STARD13: variants seen among roughly 807,000 people sequenced by gnomAD.
STARD13 encodes StAR related lipid transfer domain containing 13, also known as stAR-related lipid transfer protein 13.
Under a neutral mutation model 106.4 loss-of-function variants are expected in STARD13, and 62 were observed. The observed-to-expected ratio is 0.58, with a 90% CI of 0.48 to 0.72. The LOEUF (loss-of-function observed/expected upper bound fraction) is 0.72, where lower values mean the gene tolerates loss of function less well. STARD13 is among the 30% of genes least tolerant of loss of function. The pLI is 0.00. For missense variants in STARD13, 1,387 were observed against 1,424.0 expected (o/e 0.97, Z 0.42); for synonymous variants, 565 against 553.0 (o/e 1.02, Z -0.31).
At chr13:33,368,922 C>T in the STARD13 span, among the ~76,000 whole-genome samples, 1 of 152,072 alleles carries the variant, frequency 6.6e-6, no homozygotes, top group Admixed American at 6.5e-5. Flanking sequence ...CATTTATATC[C>T]CCTACTGGCA....
At chr13:33,439,702 T>A in the STARD13 span, 1 of 1,268,626 alleles carries the variant, frequency 7.9e-7, no homozygotes, top group East Asian at 5.6e-5. Context: ...CACTCTTTCT[T>A]TGGGTCTGTT....
At chr13:33,286,390 T>TTAA (rs1321109598), upstream of STARD13, among the ~76,000 whole-genome samples, 3 of 152,210 alleles carry the variant, frequency 2.0e-5, no homozygotes, top group Admixed American at 2.0e-4. Flanking sequence ...GCGTTACGTA[T>TTAA]TAAGCATCCT....
At chr13:33,259,958 T>C (rs1258570687) in intron 1 of STARD13, among the ~76,000 whole-genome samples, 2 of 137,268 alleles carry the variant, frequency 1.5e-5, no homozygotes, top group Non-Finnish European at 3.0e-5. Context: ...ATCGTGCCAC[T>C]GCACTCCAGC....
chr13:33,324,807 T>C (rs1243368549), intron 1 of STARD13, among the ~76,000 whole-genome samples: 1 of 152,204 alleles, frequency 6.6e-6, no homozygotes, highest in Non-Finnish European at 1.5e-5. Context: ...GTTTTCTGAG[T>C]ACATGGAAGG....
chr13:33,546,322 G>A, the STARD13 span, among the ~76,000 whole-genome samples: 1 of 152,102 alleles, frequency 6.6e-6, no homozygotes. Flanking sequence ...AGCTGTTAAA[G>A]GGGTCTTAGT....
At chr13:33,482,212 T>C in the STARD13 span, among the ~76,000 whole-genome samples, 1 of 152,154 alleles carries the variant, frequency 6.6e-6, no homozygotes, top group Non-Finnish European at 1.5e-5. Flanking sequence ...GACGTGCAGA[T>C]CAAACAGTAT....
chr13:33,254,859 C>A (rs951562220), intron 1 of STARD13, among the ~76,000 whole-genome samples: 45 of 152,178 alleles, frequency 3.0e-4, no homozygotes, highest in African/African-American at 1.1e-3. Flanking sequence ...TGAGAGCCAC[C>A]TCCATCACTC....
intron 13 of STARD13, 77 bp from the exon 14 acceptor site, chr13:33,105,787 T>C: frequency 8.0e-7 from 1 of 1,255,584 alleles, no homozygotes; most frequent in Non-Finnish European, 1.2e-6. Flanking sequence ...TGGACAGGGC[T>C]GCCCTTGGGC....
At chr13:33,526,185 A>G in the STARD13 span, among the ~76,000 whole-genome samples, 10 of 152,088 alleles carry the variant, frequency 6.6e-5, no homozygotes, top group Admixed American at 2.6e-4. Context: ...CAATTATTAA[A>G]CCATCCTTAT....
the STARD13 span, among the ~76,000 whole-genome samples, chr13:33,388,046 T>C: frequency 6.6e-6 from 1 of 151,932 alleles, no homozygotes; most frequent in Non-Finnish European, 1.5e-5. Context: ...AGGACAAAAG[T>C]GAAGGGTATG....
chr13:33,414,016 G>T, the STARD13 span, among the ~76,000 whole-genome samples: 3 of 131,012 alleles, frequency 2.3e-5, no homozygotes, highest in African/African-American at 9.7e-5. Flanking sequence ...CTCAGGGACA[G>T]AGTGAGATTC....
intron 1 of STARD13, among the ~76,000 whole-genome samples, chr13:33,203,950 G>T (rs1377178827): frequency 2.6e-5 from 4 of 152,096 alleles, no homozygotes; most frequent in Non-Finnish European, 4.4e-5. Context: ...GACAAAAATG[G>T]CTATAATTAT....
At chr13:33,218,732 A>G (rs945179366) in intron 1 of STARD13, among the ~76,000 whole-genome samples, 3 of 152,250 alleles carry the variant, frequency 2.0e-5, no homozygotes, top group Admixed American at 1.3e-4. Flanking sequence ...ATAAATTCAG[A>G]TGGCATTATT....
the STARD13 span, among the ~76,000 whole-genome samples, chr13:33,510,454 A>G: frequency 1.3e-5 from 2 of 152,266 alleles, no homozygotes; most frequent in Non-Finnish European, 2.9e-5. Flanking sequence ...GCTTTTTCCC[A>G]TTCTGAGTCC....
At chr13:33,493,596 GT>G in the STARD13 span, among the ~76,000 whole-genome samples, 4 of 152,068 alleles carry the variant, frequency 2.6e-5, no homozygotes, top group Admixed American at 2.0e-4. Context: ...AGAGAAAACT[GT>G]GGGGGTGCGC....
the STARD13 span, among the ~76,000 whole-genome samples, chr13:33,401,174 C>T: frequency 6.6e-6 from 1 of 152,098 alleles, no homozygotes; most frequent in Non-Finnish European, 1.5e-5. Context: ...ACCAGAAATC[C>T]TAAAACAGGA....
the STARD13 span, among the ~76,000 whole-genome samples, chr13:33,591,953 T>C: frequency 6.6e-5 from 10 of 152,236 alleles, no homozygotes; most frequent in Non-Finnish European, 1.2e-4. Context: ...ATATTCATAT[T>C]ATGCATTACC....
At chr13:33,128,562 T>C (rs1380056279) in intron 5 of STARD13, among the ~76,000 whole-genome samples, 2 of 152,216 alleles carry the variant, frequency 1.3e-5, no homozygotes, top group Admixed American at 1.3e-4. Context: ...AGAGACATTT[T>C]GATGAACGCA....
upstream of STARD13, chr13:33,285,881 A>T (rs1321433755): frequency 2.6e-6 from 2 of 781,408 alleles, no homozygotes; most frequent in Admixed American, 4.0e-5. Flanking sequence ...CTAAGCCCCG[A>T]CCAGAGGCAG....
Sources: gnomAD v4.1 joint callset for allele counts (sites outside exome capture counted in the v4.1 genomes callset) on GRCh38, gnomAD v4.1.1 for gene constraint, MANE v1.5 for transcripts, NCBI Gene and HGNC (gene_info 2026-07-23, HGNC 2026-07-21) for gene names.